Variants in DLGAP2 observed in about 807,000 individuals in gnomAD.
DLGAP2 encodes disks large-associated protein 2.
Under a neutral mutation model 100.3 loss-of-function variants are expected in DLGAP2, and 26 were observed. The observed-to-expected ratio is 0.26, with a 90% CI of 0.19 to 0.36. The LOEUF (loss-of-function observed/expected upper bound fraction) is 0.36, where lower values mean the gene tolerates loss of function less well. Among genes scored for constraint, DLGAP2 ranks in the 10% least tolerant of loss-of-function variants. DLGAP2 has a pLI of 1.00. For synonymous variants in DLGAP2, 886 were observed against 630.1 expected (o/e 1.41, Z -6.08); for missense variants, 1,858 against 1,453.2 (o/e 1.28, Z -4.53).
At chr8:1,443,123 T>A (rs1208092692) in intron 3 of DLGAP2, among the ~76,000 whole-genome samples, 1 of 152,178 alleles carries the variant, frequency 6.6e-6, no homozygotes, top group Non-Finnish European at 1.5e-5. Context: ...TAAAAAAACA[T>A]GAAAAGTTTT....
At chr8:1,145,327 G>A (rs1406615588) in intron 2 of DLGAP2, among the ~76,000 whole-genome samples, 4 of 152,130 alleles carry the variant, frequency 2.6e-5, no homozygotes, top group East Asian at 1.9e-4. Context: ...CATGAGTTAT[G>A]AATTGTGTCT....
chr8:793,662 C>A (rs572894858), intron 1 of DLGAP2, among the ~76,000 whole-genome samples: 1 of 152,356 alleles, frequency 6.6e-6, no homozygotes, highest in African/African-American at 2.4e-5. Context: ...TTTGTCTAAT[C>A]TTTGCATTTT....
chr8:785,267 C>A (rs1239684769), intron 1 of DLGAP2, among the ~76,000 whole-genome samples: 1 of 142,744 alleles, frequency 7.0e-6, no homozygotes, highest in African/African-American at 2.6e-5. Flanking sequence ...CGTCCTGACA[C>A]TTCAGATGCG....
At chr8:1,522,837 T>C (rs1175874081) in intron 4 of DLGAP2, among the ~76,000 whole-genome samples, 1 of 152,238 alleles carries the variant, frequency 6.6e-6, no homozygotes, top group East Asian at 1.9e-4. Flanking sequence ...CCTCATGGGA[T>C]ATCAAGAGGC....
At chr8:1,519,189 G>GA (rs915967620) in intron 4 of DLGAP2, among the ~76,000 whole-genome samples, 1 of 152,162 alleles carries the variant, frequency 6.6e-6, no homozygotes, top group Non-Finnish European at 1.5e-5. Context: ...GGGGCTTCTG[G>GA]AAAATGAGCA....
chr8:1,340,632 G>C (rs992719794), intron 3 of DLGAP2, among the ~76,000 whole-genome samples: 1 of 152,350 alleles, frequency 6.6e-6, no homozygotes, highest in Non-Finnish European at 1.5e-5. Flanking sequence ...TGTTAGCTGG[G>C]AGTGTAAAGT....
At chr8:1,022,180 G>A (rs937952063) in intron 2 of DLGAP2, among the ~76,000 whole-genome samples, 45 of 152,200 alleles carry the variant, frequency 3.0e-4, no homozygotes, top group Middle Eastern at 6.8e-3. Context: ...CTGTGCTGAG[G>A]TAGACACTCC....
intron 1 of DLGAP2, among the ~76,000 whole-genome samples, chr8:903,549 C>T (rs1798306432): frequency 6.6e-6 from 1 of 152,094 alleles, no homozygotes; most frequent in Non-Finnish European, 1.5e-5. Context: ...TCCCATAGGA[C>T]GTCATCGCGA....
intron 2 of DLGAP2, among the ~76,000 whole-genome samples, chr8:1,180,712 G>A (rs1474314860): frequency 6.6e-6 from 1 of 151,660 alleles, no homozygotes; most frequent in African/African-American, 2.4e-5. Flanking sequence ...GTGTGTGGGT[G>A]TGCAAGGGCA....
chr8:1,600,492 G>C (rs981122759), intron 6 of DLGAP2, among the ~76,000 whole-genome samples: 4 of 152,062 alleles, frequency 2.6e-5, no homozygotes, highest in African/African-American at 7.2e-5. Flanking sequence ...CATTCTCCCC[G>C]TCACTTTCAG....
intron 6 of DLGAP2, among the ~76,000 whole-genome samples, chr8:1,576,842 G>T (rs1236858773): frequency 1.3e-5 from 2 of 152,124 alleles, no homozygotes; most frequent in East Asian, 1.9e-4. Flanking sequence ...TTTGGTACCA[G>T]TACAAGGTAA....
At chr8:1,022,687 A>G (rs1279412402) in intron 2 of DLGAP2, among the ~76,000 whole-genome samples, 1 of 141,758 alleles carries the variant, frequency 7.1e-6, no homozygotes, top group Non-Finnish European at 1.5e-5. Flanking sequence ...AGACGCTCCA[A>G]ACAGCACCCA....
chr8:1,378,372 C>T (rs1356214619), intron 3 of DLGAP2, among the ~76,000 whole-genome samples: 2 of 151,054 alleles, frequency 1.3e-5, no homozygotes, highest in Non-Finnish European at 2.9e-5. Flanking sequence ...CTGCACACAC[C>T]TGACCTCACC....
At chr8:1,600,473 G>C (rs945742282) in intron 6 of DLGAP2, among the ~76,000 whole-genome samples, 2 of 152,252 alleles carry the variant, frequency 1.3e-5, no homozygotes, top group Admixed American at 6.5e-5. Flanking sequence ...GTGTTTTCCA[G>C]CTTGGTTCCA....
chr8:789,395 C>A lies in DLGAP2; in HGVS notation c.18+51570C>A, dbSNP rs554327673. 2.6e-5 allele frequency among the ~76,000 whole-genome samples: 4 copies of A among 152,202 alleles called. No individual in the cohort carries two copies. In the South Asian group the frequency reaches 8.3e-4, roughly 32 times the overall value. On this transcript the variant is annotated intron_variant, in intron 1 of 14. Coordinates refer to ENST00000637795, the MANE Select transcript of DLGAP2 (RefSeq NM_001346810.2). ...GAGGTGCTACACACTTTTAAACTAC[C>A]AGCTCTTCTGAGAACTCACTCACTA...
chr8:1,253,545 C>T (rs1346948036), intron 2 of DLGAP2, among the ~76,000 whole-genome samples: 1 of 152,234 alleles, frequency 6.6e-6, no homozygotes, highest in Non-Finnish European at 1.5e-5. Context: ...GCAGTTTCCT[C>T]TTTTCTAGGA....
intron 3 of DLGAP2, among the ~76,000 whole-genome samples, chr8:1,267,637 G>GAAATAATCAAA (rs1382093781): frequency 4.3e-5 from 4 of 91,968 alleles, no homozygotes; most frequent in African/African-American, 1.7e-4. Flanking sequence ...TATTAAATAG[G>GAAATAATCAAA]TCTACAAAAA....
chr8:1,289,751 C>T (rs1800018614), intron 3 of DLGAP2, among the ~76,000 whole-genome samples: 1 of 152,278 alleles, frequency 6.6e-6, no homozygotes, highest in African/African-American at 2.4e-5. Context: ...AGAGCCCGGC[C>T]TCCCCCGCGA....
At chr8:893,578 T>C (rs1798080095) in intron 1 of DLGAP2, among the ~76,000 whole-genome samples, 1 of 152,216 alleles carries the variant, frequency 6.6e-6, no homozygotes, top group African/African-American at 2.4e-5. Flanking sequence ...TTCCATCCAG[T>C]GTGGCCCTGG....
Sources: gnomAD v4.1 joint callset for allele counts (sites outside exome capture counted in the v4.1 genomes callset) on GRCh38, gnomAD v4.1.1 for gene constraint, MANE v1.5 for transcripts, NCBI Gene and HGNC (gene_info 2026-07-23, HGNC 2026-07-21) for gene names.